The following GLMN variants were observed in gnomAD, a reference collection of about 807,000 sequenced individuals.
GLMN encodes glomulin.
GLMN carries 75 observed loss-of-function variants against 87.8 expected under a neutral mutation model. That is an observed-to-expected ratio of 0.85 (90% confidence interval 0.71 to 1.04). The LOEUF (loss-of-function observed/expected upper bound fraction) is 1.04, where lower values mean the gene tolerates loss of function less well. Ranked by LOEUF, GLMN falls within the 50% of genes least tolerant of loss-of-function variation. GLMN has a pLI of 0.00. For synonymous variants in GLMN, 206 were observed against 221.6 expected, an observed-to-expected ratio of 0.93 and a Z score of 0.63; for missense variants, 588 against 658.8, an observed-to-expected ratio of 0.89 and a Z score of 1.18.
At chr1:92,343,608 A>T in the GLMN span, among the ~76,000 whole-genome samples, 1 of 152,182 alleles carries the variant, frequency 6.6e-6, no homozygotes, top group East Asian at 1.9e-4. Flanking sequence ...TTTAAAGAAA[A>T]CATTATAATT....
At chr1:92,345,749 T>G in the GLMN span, 15 of 741,912 alleles carry the variant, frequency 2.0e-5, no homozygotes, top group East Asian at 4.0e-4. Context: ...AAAAAGTGCT[T>G]CTTTGGCACA....
chr1:92,301,969 A>G (rs1379427908), upstream of GLMN, among the ~76,000 whole-genome samples: 1 of 152,222 alleles, frequency 6.6e-6, no homozygotes, highest in African/African-American at 2.4e-5. Flanking sequence ...CCACAAATAT[A>G]TACAATTATT....
intron 16 of GLMN, among the ~76,000 whole-genome samples, chr1:92,262,019 T>C (rs1655115017): frequency 6.6e-6 from 1 of 151,978 alleles, no homozygotes; most frequent in African/African-American, 2.4e-5. Context: ...TGATGGCAAA[T>C]AGCTATTTTC....
intron 16 of GLMN, among the ~76,000 whole-genome samples, chr1:92,250,573 T>C (rs1196318107): frequency 2.6e-5 from 4 of 152,216 alleles, no homozygotes; most frequent in African/African-American, 9.6e-5. Context: ...GCCATGACTC[T>C]CAGTAAAAAC....
At chr1:92,285,268 G>A (rs35946457) in intron 7 of GLMN, among the ~76,000 whole-genome samples, 4 of 152,274 alleles carry the variant, frequency 2.6e-5, no homozygotes, top group African/African-American at 9.6e-5. Flanking sequence ...TATATACCAT[G>A]GAATACTATG....
At chr1:92,312,127 C>T in the GLMN span, among the ~76,000 whole-genome samples, 1 of 152,142 alleles carries the variant, frequency 6.6e-6, no homozygotes, top group African/African-American at 2.4e-5. Flanking sequence ...AAATTGGAGT[C>T]CGGCCAGGAG....
chr1:92,312,516 G>A, the GLMN span, among the ~76,000 whole-genome samples: 2 of 152,152 alleles, frequency 1.3e-5, no homozygotes, highest in East Asian at 1.9e-4. Flanking sequence ...CCATTTCAAC[G>A]ATGTTGACAG....
At chr1:92,254,310 G>GATGGGGACA (rs1405748278) in intron 16 of GLMN, among the ~76,000 whole-genome samples, 2 of 152,236 alleles carry the variant, frequency 1.3e-5, no homozygotes, top group Non-Finnish European at 2.9e-5. Context: ...ACCTGAAAGT[G>GATGGGGACA]ATGGGGACAA....
At chr1:92,355,886 T>A in the GLMN span, among the ~76,000 whole-genome samples, 1 of 152,144 alleles carries the variant, frequency 6.6e-6, no homozygotes, top group African/African-American at 2.4e-5. Flanking sequence ...GTCCCAAGCA[T>A]TTTAGATAAG....
chr1:92,260,796 A>T (rs1328898970), intron 16 of GLMN, among the ~76,000 whole-genome samples: 3 of 148,262 alleles, frequency 2.0e-5, no homozygotes, highest in Non-Finnish European at 4.4e-5. Context: ...AGGCAGTCCT[A>T]TAGGCTGGCT....
the GLMN span, among the ~76,000 whole-genome samples, chr1:92,319,562 G>A: frequency 6.6e-6 from 1 of 152,106 alleles, no homozygotes; most frequent in Non-Finnish European, 1.5e-5. Flanking sequence ...GCGAGGGGTT[G>A]TTACTACTCC....
the GLMN span, among the ~76,000 whole-genome samples, chr1:92,337,865 G>A: frequency 2.0e-5 from 3 of 152,054 alleles, no homozygotes; most frequent in Non-Finnish European, 2.9e-5. Flanking sequence ...GTGACTACTA[G>A]TAGGTAATAC....
chr1:92,341,347 A>T, the GLMN span, among the ~76,000 whole-genome samples: 9 of 152,144 alleles, frequency 5.9e-5, no homozygotes, highest in African/African-American at 2.2e-4. Flanking sequence ...ATCAAATATT[A>T]CTGTTTCCCT....
the GLMN span, among the ~76,000 whole-genome samples, chr1:92,346,450 C>T: frequency 2.6e-5 from 4 of 152,164 alleles, no homozygotes. Flanking sequence ...AGGCATGAGC[C>T]ACCACACCCA....
At chr1:92,278,221 A>G (rs770387213) in intron 7 of GLMN, among the ~76,000 whole-genome samples, 6 of 152,132 alleles carry the variant, frequency 3.9e-5, no homozygotes, top group Non-Finnish European at 7.4e-5. Flanking sequence ...ATAGTTTCCA[A>G]CTTTCATAGT....
chr1:92,297,765 G>A (rs531093253), intron 2 of GLMN, 196 bp downstream of exon 2: 13 of 628,114 alleles, frequency 2.1e-5, no homozygotes, highest in African/African-American at 2.0e-4. Flanking sequence ...GGATTAAAAT[G>A]TAAAAGGTTA....
chr1:92,301,653 GA>G (rs2101097288), upstream of GLMN: 1 of 629,730 alleles, frequency 1.6e-6, no homozygotes, highest in South Asian at 3.1e-5. Flanking sequence ...TGTGCAGCAT[GA>G]AACTTCTTTG....
chr1:92,262,411 C>T (rs1488142992), intron 16 of GLMN, among the ~76,000 whole-genome samples: 1 of 152,184 alleles, frequency 6.6e-6, no homozygotes, highest in Non-Finnish European at 1.5e-5. Context: ...AATCCAACTT[C>T]CTAAACATAT....
upstream of GLMN, among the ~76,000 whole-genome samples, chr1:92,302,590 A>ATTTTTTTTTTTTTT (rs36067595): frequency 1.5e-4 from 11 of 74,316 alleles, 1 homozygote; most frequent in Non-Finnish European, 2.1e-4. Context: ...TCCGCATTAA[A>ATTTTTTTTTTTTTT]TTTTTTTTTT....
Sources: allele counts gnomAD v4.1 joint callset (sites outside exome capture counted in the v4.1 genomes callset), GRCh38; gene constraint gnomAD v4.1.1; transcripts MANE v1.5; gene names NCBI Gene and HGNC (gene_info 2026-07-23, HGNC 2026-07-21).